The following SARNP variants were observed in gnomAD, a reference collection of about 807,000 sequenced individuals.
SARNP encodes the protein SAP domain-containing ribonucleoprotein.
A neutral mutation model predicts 38.1 loss-of-function variants in SARNP; 5 were observed. The observed-to-expected ratio is 0.13, with a 90% CI of 0.07 to 0.28. SARNP has a LOEUF of 0.28. Among genes scored for constraint, SARNP ranks in the 10% least tolerant of loss-of-function variants. The pLI, the probability that SARNP is intolerant of heterozygous loss-of-function variation, is 1.00. For synonymous variants in SARNP, 84 were observed against 80.6 expected (o/e 1.04, Z -0.23); for missense variants, 180 against 243.9 (o/e 0.74, Z 1.75).
At chr12:55,769,847 A>T (rs1392748091) in intron 9 of SARNP, among the ~76,000 whole-genome samples, 1 of 152,194 alleles carries the variant, frequency 6.6e-6, no homozygotes, top group Non-Finnish European at 1.5e-5. Context: ...GACTAATATA[A>T]GTGTTCTGGG....
At chr12:55,805,804 G>A (rs909577700) in intron 1 of SARNP, among the ~76,000 whole-genome samples, 2 of 151,920 alleles carry the variant, frequency 1.3e-5, no homozygotes, top group Non-Finnish European at 2.9e-5. Flanking sequence ...AGCCAAAATC[G>A]TGCCATTGCA....
intron 9 of SARNP, among the ~76,000 whole-genome samples, chr12:55,773,387 C>G (rs1410940275): frequency 6.6e-6 from 1 of 152,166 alleles, no homozygotes; most frequent in Admixed American, 6.5e-5. Flanking sequence ...TAAGGGTATT[C>G]CAAAGTTTAT....
intron 1 of SARNP, among the ~76,000 whole-genome samples, chr12:55,817,173 G>C (rs1175843251): frequency 2.6e-5 from 4 of 152,154 alleles, no homozygotes; most frequent in African/African-American, 9.7e-5. Flanking sequence ...ATCCCACCTA[G>C]AAAAGGGGAG....
intron 9 of SARNP, among the ~76,000 whole-genome samples, chr12:55,786,520 G>A (rs1448258510): frequency 6.6e-6 from 1 of 152,148 alleles, no homozygotes; most frequent in Non-Finnish European, 1.5e-5. Context: ...CGCAATCTCG[G>A]CTCACCGCAG....
chr12:55,784,508 T>C (rs1879431804), intron 9 of SARNP, among the ~76,000 whole-genome samples: 1 of 152,256 alleles, frequency 6.6e-6, no homozygotes, highest in Non-Finnish European at 1.5e-5. Context: ...ACTTTTCTTA[T>C]GTCTTACTCC....
chr12:55,774,569 AAAAAACAAAC>A (rs1336905736), intron 9 of SARNP, among the ~76,000 whole-genome samples: 2 of 82,306 alleles, frequency 2.4e-5, no homozygotes, highest in African/African-American at 6.6e-5. Context: ...GAAAAAAAAA[AAAAAACAAAC>A]AAAAAAAAAA....
chr12:55,761,711 A>T (rs1878680739), intron 9 of SARNP: 1 of 152,140 alleles, frequency 6.6e-6, no homozygotes, highest in Non-Finnish European at 1.5e-5. Flanking sequence ...TATTTAGCCC[A>T]CTTTAACAGT....
rs143118162 is a variant in SARNP, at chr12:55,761,184, A to T, written c.502-544T>A. On this transcript the variant is annotated intron_variant, in intron 9 of 10. Coordinates refer to ENST00000336133, the MANE Select transcript of SARNP (RefSeq NM_033082.4). ...GAGTGAGACTCTGTCTCAAAAAAAA[A>T]AATAATAAATAAAATAAACAGTAAG... is the stretch of plus-strand genomic sequence containing the variant. 7.5e-3 allele frequency among the ~76,000 whole-genome samples: 1,134 copies of T among 151,946 alleles called. 8 individuals are homozygous for T. The highest frequency in any genetic ancestry group is 1.0e-2 in the African/African-American group (412 of 41,288).
At chr12:55,786,490 C>A (rs1256425545) in intron 9 of SARNP, among the ~76,000 whole-genome samples, 1 of 152,164 alleles carries the variant, frequency 6.6e-6, no homozygotes, top group African/African-American at 2.4e-5. Context: ...CACTCTGTTA[C>A]CCAGGCTGGA....
At chr12:55,781,053 A>G (rs886272164) in intron 9 of SARNP, among the ~76,000 whole-genome samples, 1 of 152,202 alleles carries the variant, frequency 6.6e-6, no homozygotes, top group African/African-American at 2.4e-5. Context: ...ACTGAAGTGA[A>G]GGAACAAACA....
intron 9 of SARNP, among the ~76,000 whole-genome samples, chr12:55,772,994 C>T (rs993183167): frequency 6.6e-5 from 10 of 152,158 alleles, no homozygotes; most frequent in African/African-American, 1.9e-4. Context: ...GGATTACAGG[C>T]GTGAGCCACC....
intron 9 of SARNP, among the ~76,000 whole-genome samples, chr12:55,767,614 G>A (rs371002757): frequency 3.3e-5 from 5 of 151,864 alleles, no homozygotes; most frequent in African/African-American, 4.8e-5. Flanking sequence ...TTGGGAGGCC[G>A]AGACGGGTGG....
At chr12:55,774,806 C>G (rs1035611528) in intron 9 of SARNP, among the ~76,000 whole-genome samples, 1 of 151,772 alleles carries the variant, frequency 6.6e-6, no homozygotes, top group African/African-American at 2.4e-5. Context: ...TTACGCATCT[C>G]CCCTGCCAGG....
chr12:55,797,264 A>T (rs1309538616), intron 4 of SARNP, among the ~76,000 whole-genome samples: 1 of 152,226 alleles, frequency 6.6e-6, no homozygotes, highest in Non-Finnish European at 1.5e-5. Flanking sequence ...ACTGAAGACA[A>T]GCAATGGGTG....
intron 9 of SARNP, among the ~76,000 whole-genome samples, chr12:55,786,416 C>T (rs914916925): frequency 1.3e-5 from 2 of 151,196 alleles, no homozygotes; most frequent in South Asian, 4.2e-4. Context: ...GGCCATATGG[C>T]ACAACACAAG....
intron 1 of SARNP, among the ~76,000 whole-genome samples, chr12:55,809,338 G>C (rs1364617280): frequency 6.6e-6 from 1 of 151,598 alleles, no homozygotes; most frequent in Admixed American, 6.6e-5. Context: ...CAGCTACTCA[G>C]GTGGCTGAGA....
intron 1 of SARNP, among the ~76,000 whole-genome samples, chr12:55,817,135 C>T (rs1880514381): frequency 6.6e-6 from 1 of 152,072 alleles, no homozygotes; most frequent in African/African-American, 2.4e-5. Flanking sequence ...GAGGCCTCTC[C>T]CTGTTTCAAA....
At chr12:55,812,719 A>G (rs967368490) in intron 1 of SARNP, among the ~76,000 whole-genome samples, 2 of 152,240 alleles carry the variant, frequency 1.3e-5, no homozygotes, top group Non-Finnish European at 2.9e-5. Flanking sequence ...TAACTGATCT[A>G]TAAATACTTG....
At chr12:55,779,141 A>C (rs1201781631) in intron 9 of SARNP, among the ~76,000 whole-genome samples, 2 of 152,246 alleles carry the variant, frequency 1.3e-5, no homozygotes, top group African/African-American at 2.4e-5. Flanking sequence ...CTCAACTGCT[A>C]TCTCTATCTA....
Sources: gnomAD v4.1 joint callset for allele counts (sites outside exome capture counted in the v4.1 genomes callset) on GRCh38, gnomAD v4.1.1 for gene constraint, MANE v1.5 for transcripts, NCBI Gene and HGNC (gene_info 2026-07-23, HGNC 2026-07-21) for gene names.